The following MRTFB variants were observed in gnomAD, a reference collection of about 807,000 sequenced individuals.
MRTFB encodes the protein myocardin-related transcription factor B.
Under a neutral mutation model 104.2 loss-of-function variants are expected in MRTFB, and 29 were observed. The ratio of observed to expected loss-of-function variants is 0.28; its 90% confidence interval spans 0.21 to 0.38. The LOEUF (loss-of-function observed/expected upper bound fraction) is 0.38, where lower values mean the gene tolerates loss of function less well. MRTFB is among the 10% of genes least tolerant of loss of function. The probability of loss-of-function intolerance (pLI) is 1.00; values close to 1 mark genes in which losing one functional copy is unlikely to be tolerated. For missense variants in MRTFB, 1,270 were observed against 1,341.6 expected (o/e 0.95, Z 0.83); for synonymous variants, 535 against 519.5 (o/e 1.03, Z -0.41).
chr16:14,117,728 C>T (rs1247655399), intron 2 of MRTFB, among the ~76,000 whole-genome samples: 3 of 151,784 alleles, frequency 2.0e-5, no homozygotes, highest in Non-Finnish European at 2.9e-5. Flanking sequence ...GGAAAGTGCA[C>T]GGTTGGTTTT....
At chr16:14,175,199 A>G (rs376615462) in intron 3 of MRTFB, among the ~76,000 whole-genome samples, 1 of 152,240 alleles carries the variant, frequency 6.6e-6, no homozygotes, top group East Asian at 1.9e-4. Flanking sequence ...ACACATATTT[A>G]AAGGATTCAA....
intron 3 of MRTFB, among the ~76,000 whole-genome samples, chr16:14,184,943 A>G (rs1229318855): frequency 6.6e-6 from 1 of 152,178 alleles, no homozygotes; most frequent in African/African-American, 2.4e-5. Flanking sequence ...CATAGCGACC[A>G]CGCCAATTGT....
At chr16:14,090,689 C>A (rs2035002070) in intron 2 of MRTFB, among the ~76,000 whole-genome samples, 1 of 152,144 alleles carries the variant, frequency 6.6e-6, no homozygotes, top group Non-Finnish European at 1.5e-5. Flanking sequence ...TTGTTATAGT[C>A]TGTGAGTCTC....
chr16:14,235,929 C>T (rs1237036604), intron 9 of MRTFB, among the ~76,000 whole-genome samples: 1 of 151,888 alleles, frequency 6.6e-6, no homozygotes, highest in East Asian at 1.9e-4. Context: ...GCCTGTAATC[C>T]CTGCACTTTG....
the MRTFB span, among the ~76,000 whole-genome samples, chr16:14,051,862 A>G: frequency 1.2e-4 from 18 of 151,890 alleles, no homozygotes; most frequent in African/African-American, 4.4e-4. Flanking sequence ...ATTCTTCTCC[A>G]CCTTTTTTCT....
At chr16:14,153,176 AG>A (rs778803911) in intron 3 of MRTFB, 2 of 152,212 alleles carry the variant, frequency 1.3e-5, no homozygotes, top group Non-Finnish European at 2.9e-5. Flanking sequence ...GCTGTACTAG[AG>A]AATTGTGTGG....
chr16:14,149,535 G>A (rs533704769), intron 3 of MRTFB: 10 of 152,228 alleles, frequency 6.6e-5, no homozygotes, highest in African/African-American at 2.2e-4. Context: ...CCACTGCCAC[G>A]TATTATAGGA....
the MRTFB span, among the ~76,000 whole-genome samples, chr16:14,042,009 A>AT: frequency 6.6e-6 from 1 of 152,108 alleles, no homozygotes; most frequent in African/African-American, 2.4e-5. Flanking sequence ...TCTATTTTTA[A>AT]TTTTTTGAGG....
the MRTFB span, among the ~76,000 whole-genome samples, chr16:14,025,749 C>T: frequency 6.6e-6 from 1 of 152,106 alleles, no homozygotes; most frequent in Non-Finnish European, 1.5e-5. Flanking sequence ...AAAACAACTC[C>T]TGGACTAATA....
At chr16:14,168,799 A>G (rs976346626) in intron 3 of MRTFB, among the ~76,000 whole-genome samples, 3 of 152,212 alleles carry the variant, frequency 2.0e-5, no homozygotes, top group Non-Finnish European at 4.4e-5. Flanking sequence ...AAGTGGCTGC[A>G]TCATTTTATA....
At chr16:14,250,435 T>A (rs953618153) in intron 13 of MRTFB, among the ~76,000 whole-genome samples, 6 of 152,228 alleles carry the variant, frequency 3.9e-5, no homozygotes, top group Admixed American at 6.5e-5. Context: ...ATGGAGGTGC[T>A]AAACAAAACA....
intron 3 of MRTFB, among the ~76,000 whole-genome samples, chr16:14,197,171 A>C (rs1333576365): frequency 6.6e-6 from 1 of 151,210 alleles, no homozygotes; most frequent in African/African-American, 2.4e-5. Context: ...TAGGGGTTTC[A>C]CCATATTGGC....
At chr16:14,161,456 C>T (rs1478467664) in intron 3 of MRTFB, among the ~76,000 whole-genome samples, 4 of 152,052 alleles carry the variant, frequency 2.6e-5, no homozygotes, top group African/African-American at 7.2e-5. Context: ...TGAACTCATA[C>T]ACAAAAAATC....
At chr16:14,029,405 TA>T in the MRTFB span, among the ~76,000 whole-genome samples, 4,215 of 86,458 alleles carry the variant, frequency 0.049, 130 homozygotes, top group Non-Finnish European at 0.061. Context: ...GACTCTGTCT[TA>T]AAAAAAAAAA....
At chr16:14,048,337 G>A in the MRTFB span, among the ~76,000 whole-genome samples, 1 of 152,182 alleles carries the variant, frequency 6.6e-6, no homozygotes, top group African/African-American at 2.4e-5. Flanking sequence ...AGGGCTCCTG[G>A]ATATAAAGTG....
intron 3 of MRTFB, chr16:14,151,906 A>G (rs1411391282): frequency 6.6e-6 from 1 of 152,200 alleles, no homozygotes; most frequent in East Asian, 1.9e-4. Flanking sequence ...TTCACAGGCT[A>G]CTTGAAGGAA....
chr16:13,995,238 C>G, the MRTFB span, among the ~76,000 whole-genome samples: 1 of 152,176 alleles, frequency 6.6e-6, no homozygotes, highest in Non-Finnish European at 1.5e-5. Flanking sequence ...ATCCTTCTGA[C>G]TTGGTAGCAG....
chr16:14,133,448 C>T (rs1359850213), intron 2 of MRTFB, among the ~76,000 whole-genome samples: 1 of 152,178 alleles, frequency 6.6e-6, no homozygotes, highest in African/African-American at 2.4e-5. Flanking sequence ...TTAGTCATGT[C>T]TTAGACAAGT....
intron 3 of MRTFB, among the ~76,000 whole-genome samples, chr16:14,198,552 C>G (rs2040541021): frequency 6.6e-6 from 1 of 152,232 alleles, no homozygotes; most frequent in African/African-American, 2.4e-5. Flanking sequence ...GTTGCCTTTA[C>G]TAGTTGGAGC....
Sources: allele counts gnomAD v4.1 joint callset (sites outside exome capture counted in the v4.1 genomes callset), GRCh38; gene constraint gnomAD v4.1.1; transcripts MANE v1.5; gene names NCBI Gene and HGNC (gene_info 2026-07-23, HGNC 2026-07-21).